The following RNF123 variants were observed in gnomAD, a reference collection of about 807,000 sequenced individuals.
RNF123 encodes E3 ubiquitin-protein ligase RNF123.
RNF123 carries 86 observed loss-of-function variants against 168.5 expected under a neutral mutation model. That is an observed-to-expected ratio of 0.51 (90% CI 0.43 to 0.61). The LOEUF (loss-of-function observed/expected upper bound fraction) is 0.61, where lower values mean the gene tolerates loss of function less well. Ranked by LOEUF, RNF123 falls within the 20% of genes least tolerant of loss-of-function variation. The probability of loss-of-function intolerance (pLI) is 0.00; values close to 1 mark genes in which losing one functional copy is unlikely to be tolerated. For missense variants in RNF123, 1,419 were observed against 1,729.7 expected (o/e 0.82, Z 3.19); for synonymous variants, 666 against 689.1 (o/e 0.97, Z 0.52).
At chr3:49,700,794 C>T in intron 15 of RNF123, 85 bp downstream of exon 15, 1 of 1,433,664 alleles carries the variant, frequency 7.0e-7, no homozygotes, top group Non-Finnish European at 9.8e-7. Context: ...GTCATCAGGC[C>T]AGGGGTCCCC....
chr3:49,717,094 C>T (rs1367359019), intron 35 of RNF123: 2 of 152,996 alleles, frequency 1.3e-5, no homozygotes, highest in Admixed American at 6.5e-5. Flanking sequence ...CCTCCCAGCT[C>T]GGCCATGCTC....
In RNF123 at chr3:49,721,021, C is replaced by A; in HGVS notation, c.3740C>A (p.Pro1247His). The stretch of plus-strand genomic sequence containing the variant: ...CACCCTTCACTCTCCTCCCTGCAGC[C>A]CACCAGTGAGGAGGACCTCTGCCCC... ...ASAQAAAASL[P>H]TSEEDLCPIC... Residue 1247 changes from proline (P) to histidine (H), a missense_variant and splice_region_variant, in exon 38 of 39, where the codon CCC (proline) becomes CAC (histidine). Physicochemically the swap from Pro to His is moderately conservative, Grantham distance 77 (BLOSUM62 -2). Transcript: ENST00000327697. 6.2e-7 allele frequency: 1 copy of A among 1,611,288 alleles called. No homozygotes were observed. Among genetic ancestry groups the A allele is most frequent in the Non-Finnish European group, 8.5e-7 (1 of 1,178,052 alleles).
intron 31 of RNF123, 28 bp downstream of exon 31, chr3:49,714,202 G>A: frequency 1.2e-6 from 2 of 1,607,988 alleles, no homozygotes; most frequent in Non-Finnish European, 8.5e-7. Context: ...GCGAGTCCTG[G>A]GCAAGGCAGG....
intron 35 of RNF123, 117 bp downstream of exon 35, chr3:49,716,594 G>A: frequency 3.3e-6 from 3 of 899,512 alleles, no homozygotes; most frequent in Non-Finnish European, 5.3e-6. Context: ...TCAGCATCAG[G>A]TTTTGAGGCA....
chr3:49,714,148 A>G lies in RNF123; in HGVS notation c.2984A>G (p.Glu995Gly). 1 of 1,614,140 alleles carries G rather than the reference A, an allele frequency of 6.2e-7. No individual in the cohort carries two copies. Among genetic ancestry groups the G allele is most frequent in the Non-Finnish European group, 8.5e-7 (1 of 1,180,018 alleles). ...CCACATCTGCTGAAAACCAAACTTG[A>G]GGACGCCAATTTGCCCAGCCTCCAG... ...RLPHLLKTKLEDANLPSLQKP... is the reference protein window; with the variant it reads ...RLPHLLKTKLGDANLPSLQKP... Residue 995 changes from glutamate to glycine, a missense_variant, in exon 31 of 39, where the codon GAG becomes GGG. Glu to Gly is a moderately conservative substitution (Grantham distance 98). This residue lies in a region of RNF123 where 538 missense variants were observed against 708.8 expected (regional missense o/e 0.76). Coordinates refer to ENST00000327697, the MANE Select transcript of RNF123 (RefSeq NM_022064.5).
intron 35 of RNF123, chr3:49,717,350 G>C (rs1485487641): frequency 6.3e-6 from 1 of 159,080 alleles, no homozygotes; most frequent in African/African-American, 2.4e-5. Context: ...CAGGAGGTTG[G>C]GTGTTGGTGG....
chr3:49,707,519 CAG>C (rs2054542246), intron 26 of RNF123, among the ~76,000 whole-genome samples: 1 of 152,190 alleles, frequency 6.6e-6, no homozygotes, highest in African/African-American at 2.4e-5. Flanking sequence ...CCCCAGGCCT[CAG>C]ACTCTCTGGA....
intron 3 of RNF123, among the ~76,000 whole-genome samples, chr3:49,696,393 G>A (rs2054267922): frequency 1.3e-5 from 2 of 149,368 alleles, no homozygotes; most frequent in African/African-American, 5.0e-5. Context: ...CTGTCACCCA[G>A]ACTAGAGTGC....
At chr3:49,710,531 C>T (rs1028248678) in intron 26 of RNF123, among the ~76,000 whole-genome samples, 4 of 152,214 alleles carry the variant, frequency 2.6e-5, no homozygotes, top group African/African-American at 7.2e-5. Context: ...CCGCCTGCCT[C>T]GGCCTCCCAA....
In RNF123 at chr3:49,704,630, C is replaced by T; in HGVS notation, c.1853-20C>T. ...CTTGCGCCACCACTGGCCTGAGAACCCTCCTGCTCTTCCTCCCAGATGACC... is the reference window on the plus strand; with the variant it reads ...CTTGCGCCACCACTGGCCTGAGAACTCTCCTGCTCTTCCTCCCAGATGACC... On this transcript the variant is annotated intron_variant, in intron 21 of 38. Transcript: ENST00000327697. 2 of 1,598,724 alleles carry T rather than the reference C, an allele frequency of 1.3e-6. No homozygotes were observed. Among genetic ancestry groups the T allele is most frequent in the East Asian group, 2.2e-5 (1 of 44,596 alleles).
At chr3:49,718,327 G>A (rs1338994395) in intron 35 of RNF123, 12 of 1,613,394 alleles carry the variant, frequency 7.4e-6, no homozygotes, top group Non-Finnish European at 1.0e-5. Flanking sequence ...TGTGTTGAAA[G>A]CCTCGGGCTC....
chr3:49,701,689 G>C (rs1239067488), intron 16 of RNF123, 81 bp downstream of exon 16: 1 of 1,474,614 alleles, frequency 6.8e-7, no homozygotes, highest in Non-Finnish European at 9.5e-7. Flanking sequence ...CATCTAGCAT[G>C]AGGCCTTTTC....
intron 2 of RNF123, 44 bp downstream of exon 2, chr3:49,691,291 G>A: frequency 6.2e-7 from 1 of 1,604,092 alleles, no homozygotes; most frequent in Non-Finnish European, 8.5e-7. Flanking sequence ...TTGTTGGGAG[G>A]AGAAGGAAGG....
intron 37 of RNF123, 38 bp downstream of exon 37, chr3:49,720,932 A>C: frequency 6.2e-7 from 1 of 1,611,864 alleles, no homozygotes. Flanking sequence ...ATGCCACTTG[A>C]ATATGTGTGC....
At chr3:49,711,004 G>A (rs533547770) in intron 26 of RNF123, among the ~76,000 whole-genome samples, 242 of 152,262 alleles carry the variant, frequency 1.6e-3, no homozygotes, top group Middle Eastern at 6.8e-3. Context: ...AGGCTGAAGC[G>A]GGAGGATCAC....
intron 3 of RNF123, among the ~76,000 whole-genome samples, chr3:49,694,396 A>G (rs2054228280): frequency 6.6e-6 from 1 of 152,128 alleles, no homozygotes; most frequent in Admixed American, 6.6e-5. Context: ...ATTTTTCCCC[A>G]TTATCAATTT....
At chr3:49,696,013 C>T (rs1369354851) in intron 3 of RNF123, among the ~76,000 whole-genome samples, 1 of 152,126 alleles carries the variant, frequency 6.6e-6, no homozygotes, top group Non-Finnish European at 1.5e-5. Context: ...AGCCATCCAG[C>T]AGCTCAGAGG....
chr3:49,719,284 G>C (rs747674599), intron 35 of RNF123: 1 of 1,613,208 alleles, frequency 6.2e-7, no homozygotes, highest in Non-Finnish European at 8.5e-7. Context: ...CGCAGTAGCG[G>C]CAGGTAACTC....
At chr3:49,718,944 G>A (rs765598472) in intron 35 of RNF123, 10 of 1,613,764 alleles carry the variant, frequency 6.2e-6, no homozygotes, top group Non-Finnish European at 8.5e-6. Flanking sequence ...GCAGGTGGTC[G>A]AAGGAGAACG....
Sources: gnomAD v4.1 joint callset for allele counts (sites outside exome capture counted in the v4.1 genomes callset) on GRCh38, gnomAD v4.1.1 for gene constraint, gnomAD v4.1.1 regional missense constraint, MANE v1.5 for transcripts, NCBI Gene and HGNC (gene_info 2026-07-23, HGNC 2026-07-21) for gene names.